IQSEC1: variants seen among roughly 807,000 people sequenced by gnomAD.
The protein encoded by IQSEC1 is IQ motif and SEC7 domain-containing protein 1.
A neutral mutation model predicts 91.0 loss-of-function variants in IQSEC1; 31 were observed. The observed-to-expected ratio is 0.34, with a 90% CI of 0.26 to 0.46. IQSEC1 has a LOEUF of 0.46. Ranked by LOEUF, IQSEC1 falls within the 20% of genes least tolerant of loss-of-function variation. The pLI is 1.00. For synonymous variants in IQSEC1, 699 were observed against 662.6 expected, an observed-to-expected ratio of 1.05 and a Z score of -0.84; for missense variants, 1,388 against 1,575.6, an observed-to-expected ratio of 0.88 and a Z score of 2.02.
At chr3:13,217,375 C>T (rs1213316956) in intron 1 of IQSEC1, among the ~76,000 whole-genome samples, 2 of 152,234 alleles carry the variant, frequency 1.3e-5, no homozygotes, top group Non-Finnish European at 2.9e-5. Context: ...GGGGCTTCCT[C>T]CACTTGGCAT....
intron 2 of IQSEC1, among the ~76,000 whole-genome samples, chr3:12,938,186 C>A (rs1451093618): frequency 1.3e-5 from 2 of 152,212 alleles, no homozygotes; most frequent in African/African-American, 2.4e-5. Context: ...AAGCGTTGCA[C>A]CTGCCTGTAT....
At chr3:12,912,670 C>CAAAAA (rs561314162) in intron 9 of IQSEC1, among the ~76,000 whole-genome samples, 10 of 54,022 alleles carry the variant, frequency 1.9e-4, no homozygotes, top group Admixed American at 6.3e-4. Context: ...GACTCCGTCT[C>CAAAAA]AAAAAAAAAA....
At chr3:13,251,789 C>A (rs989917968) in intron 1 of IQSEC1, among the ~76,000 whole-genome samples, 1 of 152,214 alleles carries the variant, frequency 6.6e-6, no homozygotes, top group Non-Finnish European at 1.5e-5. Context: ...CGAGCCAAGG[C>A]AGCTGAGCCA....
chr3:13,278,256 C>G (rs572634064), intron 1 of IQSEC1, among the ~76,000 whole-genome samples: 8 of 152,124 alleles, frequency 5.3e-5, no homozygotes, highest in East Asian at 3.9e-4. Flanking sequence ...CTTCCCCCCC[C>G]CACCCCCAGC....
intron 1 of IQSEC1, among the ~76,000 whole-genome samples, chr3:12,981,808 G>A (rs1299116025): frequency 2.6e-5 from 4 of 152,176 alleles, no homozygotes; most frequent in African/African-American, 9.7e-5. Context: ...GCAGCTTGGT[G>A]AGCCTCGAGT....
intron 9 of IQSEC1, among the ~76,000 whole-genome samples, chr3:12,913,136 C>T (rs987209600): frequency 2.0e-5 from 3 of 152,246 alleles, no homozygotes; most frequent in African/African-American, 7.2e-5. Flanking sequence ...GAGGAAGGGG[C>T]CTGCCCGAGG....
At chr3:13,025,089 A>G (rs1237807537) in intron 1 of IQSEC1, among the ~76,000 whole-genome samples, 1 of 152,198 alleles carries the variant, frequency 6.6e-6, no homozygotes, top group Non-Finnish European at 1.5e-5. Context: ...CTCAGTAAAT[A>G]CCAGCTGTCA....
intron 1 of IQSEC1, among the ~76,000 whole-genome samples, chr3:13,068,409 C>T (rs1281721389): frequency 2.0e-5 from 3 of 152,220 alleles, no homozygotes; most frequent in Admixed American, 6.5e-5. Flanking sequence ...GGGTATACAA[C>T]GGGGAGCAGG....
chr3:13,200,215 C>CAT (rs1694217834), intron 1 of IQSEC1, among the ~76,000 whole-genome samples: 1 of 150,614 alleles, frequency 6.6e-6, no homozygotes, highest in East Asian at 2.0e-4. Context: ...ACACTATATG[C>CAT]ATACACCAGA....
In IQSEC1 at chr3:13,126,386, T is replaced by C. The variant is rs936391785; in HGVS notation, c.302+37718A>G. Reference sequence around the variant, plus strand: ...TTTCTCTTGCCAAGTAGCATTCCACTGTACGGATGTCCTACCCCTCGCTTA... The same window carrying C: ...TTTCTCTTGCCAAGTAGCATTCCACCGTACGGATGTCCTACCCCTCGCTTA... On this transcript the variant is annotated intron_variant, in intron 2 of 15. Coordinates refer to the IQSEC1 transcript ENST00000648114. 1.2e-4 allele frequency among the ~76,000 whole-genome samples: 19 copies of C among 152,380 alleles called. No individual in the cohort carries two copies. The South Asian group carries it at 1.9e-3, about 15-fold the overall frequency.
At chr3:13,045,321 G>T (rs941730489) in intron 1 of IQSEC1, among the ~76,000 whole-genome samples, 1 of 152,072 alleles carries the variant, frequency 6.6e-6, no homozygotes, top group African/African-American at 2.4e-5. Flanking sequence ...TTCTTTTTCT[G>T]CTTGCTGCCT....
rs1694067145 is a variant in IQSEC1 at position 13,193,247 on chromosome 3, T to C, written c.273-29114A>G. Among the ~76,000 whole-genome samples, 1 of 152,170 alleles carries C rather than the reference T, an allele frequency of 6.6e-6. No homozygotes were observed. The highest frequency in any genetic ancestry group is 2.4e-5 in the African/African-American group (1 of 41,432). ...CACCAGCTCCCTCTCTGCCTGTGAG[T>C]GTGGAGTTCAACAGATCCACAGCTT... On this transcript the variant is annotated intron_variant, in intron 1 of 15. Transcript: ENST00000648114. The surrounding 1 kb of genome is among the most constrained non-coding windows in gnomAD (Gnocchi z 4.2).
At chr3:12,925,280 A>G (rs1455561834) in intron 3 of IQSEC1, among the ~76,000 whole-genome samples, 1 of 152,170 alleles carries the variant, frequency 6.6e-6, no homozygotes, top group African/African-American at 2.4e-5. Context: ...GGGTAATAAC[A>G]GCAACCACAG....
intron 2 of IQSEC1, among the ~76,000 whole-genome samples, chr3:13,097,259 G>C (rs1705981422): frequency 6.6e-6 from 1 of 152,216 alleles, no homozygotes; most frequent in African/African-American, 2.4e-5. Flanking sequence ...CTCAGAGAGG[G>C]AAGGTACCTT....
rs149504138 is a variant in IQSEC1 at position 13,132,985 on chromosome 3, A to T, written c.302+31119T>A. On this transcript the variant is annotated intron_variant, in intron 2 of 15. Transcript: ENST00000648114. ...GTGTTTAAAGATAAGAAAATGAGAC[A>T]TATTTCTCTTGTGATTGTTTCATAT... Among the ~76,000 whole-genome samples, 721 of 152,376 alleles carry T rather than the reference A, an allele frequency of 4.7e-3. 5 individuals carry two copies. Among genetic ancestry groups the T allele is most frequent in the Non-Finnish European group, 7.1e-3 (480 of 68,044 alleles).
chr3:13,032,365 T>C (rs866727436), intron 1 of IQSEC1, among the ~76,000 whole-genome samples: 3 of 152,120 alleles, frequency 2.0e-5, no homozygotes, highest in African/African-American at 7.2e-5. Flanking sequence ...CGGCTGGCCC[T>C]GTGAAAGTGG....
intron 1 of IQSEC1, among the ~76,000 whole-genome samples, chr3:13,232,838 C>G (rs1694860288): frequency 6.6e-6 from 1 of 152,184 alleles, no homozygotes; most frequent in Non-Finnish European, 1.5e-5. Flanking sequence ...CTGACCCACA[C>G]AACAATATGG....
At position 12,898,438 on chromosome 3, in the gene IQSEC1, G is replaced by A. The variant is rs1250348512; in HGVS notation, c.*2545C>T. On this transcript the variant is annotated 3_prime_UTR_variant, in exon 14 of 14. Coordinates refer to ENST00000613206, the MANE Select transcript of IQSEC1 (RefSeq NM_001134382.3). ...TCAGTGGGTTCCAGCAGTTCCTTAC[G>A]CGAGGCCCTGCTGCCCAGCACAGCT... The A allele has an allele frequency of 6.6e-6, 1 of 152,254 alleles. No homozygotes were observed. The highest frequency in any genetic ancestry group is 1.5e-5 in the Non-Finnish European group (1 of 68,052). The allele number at this position is 152,254 out of a possible 1,614,324, so 9.4% of individuals were successfully genotyped here.
chr3:13,019,528 G>A lies in IQSEC1; in HGVS notation c.23+53464C>T, dbSNP rs551122889. Among the ~76,000 whole-genome samples, 231 of 152,364 alleles carry A rather than the reference G, an allele frequency of 1.5e-3. 2 individuals carry two copies. The highest frequency in any genetic ancestry group is 3.4e-3 in the Middle Eastern group (1 of 294). ...CTGACTCAGGGCTTCCCTGGCAGCC[G>A]AGGGGGCTGGGATCCGCAGAGGGCC... is the stretch of plus-strand genomic sequence containing the variant. On this transcript the variant is annotated intron_variant, in intron 1 of 13. Transcript: ENST00000613206.
Sources: allele counts gnomAD v4.1 joint callset (sites outside exome capture counted in the v4.1 genomes callset), GRCh38; gene constraint gnomAD v4.1.1; non-coding constraint Gnocchi (gnomAD v3.1); transcripts MANE v1.5; gene names NCBI Gene and HGNC (gene_info 2026-07-23, HGNC 2026-07-21).